NAV2: variants seen among roughly 807,000 people sequenced by gnomAD.
NAV2 encodes helicase, APC down-regulated 1.
NAV2 carries 54 observed loss-of-function variants against 223.2 expected under a neutral mutation model. That is an observed-to-expected ratio of 0.24 (90% CI 0.19 to 0.30). The LOEUF (loss-of-function observed/expected upper bound fraction) is 0.30, where lower values mean the gene tolerates loss of function less well. Ranked by LOEUF, NAV2 falls within the 10% of genes least tolerant of loss-of-function variation. The pLI, the probability that NAV2 is intolerant of heterozygous loss-of-function variation, is 1.00. For missense variants in NAV2, 2,806 were observed against 3,147.5 expected (o/e 0.89, Z 2.60); for synonymous variants, 1,279 against 1,239.3 (o/e 1.03, Z -0.67).
chr11:19,843,962 G>T (rs2060644401), intron 3 of NAV2, among the ~76,000 whole-genome samples: 1 of 152,036 alleles, frequency 6.6e-6, no homozygotes, highest in Non-Finnish European at 1.5e-5. Flanking sequence ...TGCACATTTT[G>T]AATATAAAGA....
At chr11:19,688,156 A>C (rs1445874087) in intron 1 of NAV2, among the ~76,000 whole-genome samples, 1 of 152,246 alleles carries the variant, frequency 6.6e-6, no homozygotes, top group Non-Finnish European at 1.5e-5. Flanking sequence ...GTATTCTTAC[A>C]TGAGAAGCAA....
At position 20,022,731 on chromosome 11, in the gene NAV2, A is replaced by G. The variant is rs2054616541; in HGVS notation, c.2769-13228A>G. On this transcript the variant is annotated intron_variant, in intron 11 of 37. Transcript: ENST00000349880. Reference sequence around the variant, plus strand: ...GTTTTTCATTCTTAGATTTTCTTCAATTTGACCCGCTGTTGCAAACTCCCC... The same window carrying G: ...GTTTTTCATTCTTAGATTTTCTTCAGTTTGACCCGCTGTTGCAAACTCCCC... 8.4e-6 allele frequency: 9 copies of G among 1,065,544 alleles called. No individual in the cohort carries two copies. The South Asian group carries it at 1.3e-4, about 16-fold the overall frequency. 66.0% of individuals were successfully genotyped at this position (1,065,544 alleles called of 1,614,324 possible).
At chr11:20,091,889 G>T (rs2060875466) in intron 27 of NAV2, among the ~76,000 whole-genome samples, 1 of 152,180 alleles carries the variant, frequency 6.6e-6, no homozygotes, top group African/African-American at 2.4e-5. Flanking sequence ...CAGGAAAGAA[G>T]CCTGTAAAAG....
intron 1 of NAV2, among the ~76,000 whole-genome samples, chr11:19,466,997 A>T (rs1852378404): frequency 8.1e-6 from 1 of 123,250 alleles, no homozygotes; most frequent in African/African-American, 2.8e-5. Context: ...ACACACACAC[A>T]CACACACACA....
chr11:20,007,336 C>T (rs2153501548), intron 11 of NAV2, among the ~76,000 whole-genome samples: 1 of 152,180 alleles, frequency 6.6e-6, no homozygotes, highest in East Asian at 1.9e-4. Flanking sequence ...AAAATGGTGG[C>T]ACTGCTCTCT....
chr11:19,692,647 C>T (rs2049211624), intron 1 of NAV2, among the ~76,000 whole-genome samples: 1 of 152,216 alleles, frequency 6.6e-6, no homozygotes. Context: ...GCCTCAGTGT[C>T]CTTAATTGCC....
intron 1 of NAV2, among the ~76,000 whole-genome samples, chr11:19,756,055 C>T (rs971728071): frequency 2.0e-5 from 3 of 152,154 alleles, no homozygotes; most frequent in South Asian, 2.1e-4. Flanking sequence ...ATGACCTCCA[C>T]GTGGCAACTT....
chr11:19,594,901 A>G (rs757981354), intron 1 of NAV2, among the ~76,000 whole-genome samples: 9 of 152,236 alleles, frequency 5.9e-5, no homozygotes, highest in Non-Finnish European at 1.2e-4. Context: ...TCCTCTCTCA[A>G]GATGAACGTG....
chr11:19,348,280 G>A (rs540322746), upstream of NAV2, among the ~76,000 whole-genome samples: 1 of 152,310 alleles, frequency 6.6e-6, no homozygotes, highest in South Asian at 2.1e-4. Flanking sequence ...AGGCAGCCCC[G>A]ATGGAGAAGG....
chr11:19,948,665 T>G (rs747487558), intron 9 of NAV2, 26 bp from the exon 10 acceptor site: 28 of 1,533,510 alleles, frequency 1.8e-5, no homozygotes, highest in Middle Eastern at 1.7e-4. Context: ...TACCTTTGAG[T>G]CTAATCAGGT....
intron 14 of NAV2, among the ~76,000 whole-genome samples, chr11:20,048,098 T>G (rs1025090074): frequency 1.3e-5 from 2 of 152,208 alleles, no homozygotes; most frequent in Non-Finnish European, 2.9e-5. Context: ...TGGTCTAATG[T>G]CTTGTGAACC....
intron 11 of NAV2, among the ~76,000 whole-genome samples, chr11:19,997,181 A>G (rs937905649): frequency 6.6e-6 from 1 of 152,198 alleles, no homozygotes; most frequent in African/African-American, 2.4e-5. Flanking sequence ...GGAGTCTGTC[A>G]TGTCACCTCC....
intron 4 of NAV2, among the ~76,000 whole-genome samples, chr11:19,869,333 A>G (rs1457691436): frequency 6.6e-6 from 1 of 152,230 alleles, no homozygotes; most frequent in African/African-American, 2.4e-5. Context: ...TCTATGGGAG[A>G]GAGCATGCTT....
intron 30 of NAV2, 130 bp from the exon 31 acceptor site, chr11:20,097,447 C>T: frequency 1.3e-6 from 1 of 746,144 alleles, no homozygotes; most frequent in Non-Finnish European, 2.0e-6. Context: ...CCCCTCATCC[C>T]ACAGCTCAAT....
intron 1 of NAV2, among the ~76,000 whole-genome samples, chr11:19,417,592 T>C (rs1320473759): frequency 6.6e-6 from 1 of 152,248 alleles, no homozygotes; most frequent in Non-Finnish European, 1.5e-5. Flanking sequence ...ATCCCATTAC[T>C]GGGTATATAC....
intron 1 of NAV2, among the ~76,000 whole-genome samples, chr11:19,415,465 TA>T (rs1185423675): frequency 3.3e-5 from 5 of 151,964 alleles, no homozygotes; most frequent in Non-Finnish European, 7.4e-5. Context: ...GCCTACCAAC[TA>T]AAAAAAGCCC....
chr11:19,942,990 TA>T (rs1352157255), intron 8 of NAV2, among the ~76,000 whole-genome samples: 3 of 152,098 alleles, frequency 2.0e-5, no homozygotes, highest in South Asian at 4.2e-4. Context: ...CTCTAAAAAA[TA>T]AAATAGTTGA....
intron 19 of NAV2, among the ~76,000 whole-genome samples, chr11:20,057,155 GA>G (rs1416865028): frequency 6.6e-6 from 1 of 152,076 alleles, no homozygotes; most frequent in Non-Finnish European, 1.5e-5. Flanking sequence ...TATGAGTAGG[GA>G]AAAAGGGCCA....
At chr11:19,444,921 A>C (rs557788886) in intron 1 of NAV2, among the ~76,000 whole-genome samples, 2 of 152,256 alleles carry the variant, frequency 1.3e-5, no homozygotes, top group African/African-American at 2.4e-5. Context: ...ATATTATGGG[A>C]CTTGGAGAAA....
Sources: gnomAD v4.1 joint callset for allele counts (sites outside exome capture counted in the v4.1 genomes callset) on GRCh38, gnomAD v4.1.1 for gene constraint, MANE v1.5 for transcripts, NCBI Gene and HGNC (gene_info 2026-07-23, HGNC 2026-07-21) for gene names.